BTNL9: variants seen among roughly 807,000 people sequenced by gnomAD.
The protein encoded by BTNL9 is butyrophilin-like protein 9.
A neutral mutation model predicts 45.8 loss-of-function variants in BTNL9; 45 were observed. The ratio of observed to expected loss-of-function variants is 0.98; its 90% CI spans 0.77 to 1.26. BTNL9 has a LOEUF of 1.26. Ranked by LOEUF, BTNL9 falls within the 50% of genes most tolerant of loss-of-function variation. The probability of loss-of-function intolerance (pLI) is 0.00; values close to 1 mark genes in which losing one functional copy is unlikely to be tolerated. For missense variants in BTNL9, 784 were observed against 729.7 expected, an observed-to-expected ratio of 1.07 and a Z score of -0.86; for synonymous variants, 346 against 330.8, an observed-to-expected ratio of 1.05 and a Z score of -0.50.
Position 181,059,377 on chromosome 5 carries a change from A to G in BTNL9, c.1123A>G (p.Ser375Gly). Residue 375 changes from serine to glycine, a missense_variant, in exon 11 of 11, where the codon AGC becomes GGC. By Grantham distance (56) the Ser-to-Gly change is moderately conservative (BLOSUM62 0). Transcript: ENST00000327705. Reference sequence around the variant, plus strand: ...GTTCTCGGAGCAGACGTGCGCGCTGAGCCTGGAGCGGTTCTCCGCCGGCCG... The same window carrying G: ...GTTCTCGGAGCAGACGTGCGCGCTGGGCCTGGAGCGGTTCTCCGCCGGCCG... The part of the protein sequence containing the change: ...QRFSEQTCAL[S>G]LERFSAGRHY... 4 of 1,531,076 alleles carry G rather than the reference A, an allele frequency of 2.6e-6. No individual in the cohort carries two copies. The highest frequency in any genetic ancestry group is 3.5e-6 in the Non-Finnish European group (4 of 1,141,802). 94.8% of individuals were successfully genotyped at this position (1,531,076 alleles called of 1,614,324 possible).
rs2113268653 is a variant in BTNL9 at position 181,059,489 on chromosome 5, G to T, written c.1235G>T (p.Arg412Leu). ...LAAVPRAGPA[R>L]LSPAAGYWVL... ...GCGGTGCCGCGCGCGGGGCCTGCGC[G>T]CCTGAGCCCTGCGGCCGGCTACTGG... The change falls in exon 11 of 11, where the codon CGC becomes CTC. Residue 412 changes from arginine (R) to leucine (L), a missense_variant. Coordinates refer to ENST00000327705, the MANE Select transcript of BTNL9 (RefSeq NM_152547.5). The T allele has an allele frequency of 1.3e-6, 2 of 1,539,462 alleles. No homozygotes were observed. The highest frequency in any genetic ancestry group is 5.0e-5 in the East Asian group (2 of 40,032).
chr5:181,047,845 T>C, intron 2 of BTNL9, 82 bp from the exon 3 acceptor site: 2 of 1,189,142 alleles, frequency 1.7e-6, no homozygotes, highest in Non-Finnish European at 1.2e-6. Context: ...TTACTGTAGA[T>C]TCCTCAGCTA....
intron 7 of BTNL9, chr5:181,054,658 C>T: frequency 1.0e-6 from 1 of 985,226 alleles, no homozygotes; most frequent in Non-Finnish European, 1.2e-6. Flanking sequence ...GACTCAGAGA[C>T]GTGAAACCAT....
intron 2 of BTNL9, among the ~76,000 whole-genome samples, chr5:181,047,104 G>A (rs1761223536): frequency 6.6e-6 from 1 of 152,136 alleles, no homozygotes; most frequent in African/African-American, 2.4e-5. Flanking sequence ...AGCTGAACTT[G>A]GAAAGAAAGG....
Position 181,053,452 on chromosome 5 carries a change from C to T in BTNL9, c.854-17C>T, listed in dbSNP as rs1212582789. The T allele has an allele frequency of 5.8e-6, 9 of 1,564,328 alleles. No homozygotes were observed. The East Asian group carries it at 1.9e-4, about 33-fold the overall frequency. ...GGGGGCGCGCACTCAGCCCTCTCCG[C>T]TCCCGTTTCCCTTCAGAAAAGCTGA... On this transcript the variant is annotated splice_polypyrimidine_tract_variant and intron_variant, in intron 5 of 10. Transcript: ENST00000327705. This position sits in a 1 kb window ranked among gnomAD's most constrained non-coding sequence, Gnocchi z 6.5.
intron 10 of BTNL9, 52 bp downstream of exon 10, chr5:181,058,430 C>G (rs372434075): frequency 4.3e-5 from 69 of 1,612,802 alleles, no homozygotes; most frequent in Non-Finnish European, 5.1e-5. Flanking sequence ...GGATCTTAAA[C>G]AGAAGGGAGG....
Position 181,059,568 on chromosome 5 carries a change from C to G in BTNL9, c.1314C>G (p.Val438=), listed in dbSNP as rs1036370599. 1 of 1,611,914 alleles carries G rather than the reference C, an allele frequency of 6.2e-7. No individual in the cohort carries two copies. The highest frequency in any genetic ancestry group is 1.1e-5 in the South Asian group (1 of 91,012). Residue 438 remains valine (V), a synonymous_variant, in exon 11 of 11, where the codon GTC becomes GTG. Coordinates refer to ENST00000327705, the MANE Select transcript of BTNL9 (RefSeq NM_152547.5). ...ACTTCGTCCTGGCCCCGCACCGCGT[C>G]GCGCTCACCCTGCGCGTGCCCCCGC... ...CEYFVLAPHR[V]ALTLRVPPRR...
At position 181,042,249 on chromosome 5, in the gene BTNL9, G is replaced by A. The variant is rs1018917243; in HGVS notation, c.-24+1817G>A. Among the ~76,000 whole-genome samples, 3 of 152,240 alleles carry A rather than the reference G, an allele frequency of 2.0e-5. No individual in the cohort carries two copies. Among genetic ancestry groups the A allele is most frequent in the Admixed American group, 1.3e-4 (2 of 15,280 alleles). On this transcript the variant is annotated intron_variant, in intron 1 of 10. Transcript: ENST00000327705. The surrounding 1 kb of genome is among the most constrained non-coding windows in gnomAD (Gnocchi z 4.5). Reference sequence around the variant, plus strand: ...AGGCTCCTGGGAGGACAAGCAGCACGTGCCCGCCGGCAGAGCTCAGCTCCA... The same window carrying A: ...AGGCTCCTGGGAGGACAAGCAGCACATGCCCGCCGGCAGAGCTCAGCTCCA...
In BTNL9 at chr5:181,055,287, G is replaced by A. The variant is rs1761818955; in HGVS notation, c.908-146G>A. 1 of 1,537,524 alleles carries A rather than the reference G, an allele frequency of 6.5e-7. No homozygotes were observed. ...GGCCTCTTTTTGAGGGCAATGAAGGGGCAAAGAGGAAGCTGTAAAAAAAAA... is the reference window on the plus strand; with the variant it reads ...GGCCTCTTTTTGAGGGCAATGAAGGAGCAAAGAGGAAGCTGTAAAAAAAAA... On this transcript the variant is annotated intron_variant, in intron 7 of 10. Transcript: ENST00000327705. This position sits in a 1 kb window ranked among gnomAD's most constrained non-coding sequence, Gnocchi z 4.4.
At chr5:181,040,666 C>T (rs940152734) in intron 1 of BTNL9, among the ~76,000 whole-genome samples, 1 of 152,166 alleles carries the variant, frequency 6.6e-6, no homozygotes, top group Admixed American at 6.5e-5. Flanking sequence ...CCCCACCAGA[C>T]GAAAAAGATT....
At position 181,055,361 on chromosome 5, in the gene BTNL9, C is replaced by G. The variant is rs1761822296; in HGVS notation, c.908-72C>G. The G allele has an allele frequency of 6.2e-7, 1 of 1,613,328 alleles. No individual in the cohort carries two copies. On this transcript the variant is annotated intron_variant, in intron 7 of 10. Coordinates refer to ENST00000327705, the MANE Select transcript of BTNL9 (RefSeq NM_152547.5). The surrounding 1 kb of genome is among the most constrained non-coding windows in gnomAD (Gnocchi z 4.4). ...GGCTTAAGACTAAGGAAGCTCTTCC[C>G]AGTGGCCTGTCTTGGGAAGATGGTT...
chr5:181,059,142 C>A, intron 10 of BTNL9, 95 bp from the exon 11 acceptor site: 1 of 1,404,838 alleles, frequency 7.1e-7, no homozygotes, highest in South Asian at 1.5e-5. Context: ...CTCGATTATT[C>A]CACCAAGAGA....
At position 181,059,751 on chromosome 5, in the gene BTNL9, C is replaced by G; in HGVS notation, c.1497C>G (p.Pro499=). Reference sequence around the variant, plus strand: ...ACGACGGCGGCGAACATCCGGATCCCCTGACCATCTGCCCGCTGCCGGTTA... The same window carrying G: ...ACGACGGCGGCGAACATCCGGATCCGCTGACCATCTGCCCGCTGCCGGTTA... ...RAHDGGEHPD[P]LTICPLPVRG... Residue 499 remains proline, a synonymous_variant, in exon 11 of 11, where the codon CCC becomes CCG. Transcript: ENST00000327705. 6.2e-7 allele frequency: 1 copy of G among 1,612,546 alleles called. No individual in the cohort carries two copies. Among genetic ancestry groups the G allele is most frequent in the Non-Finnish European group, 8.5e-7 (1 of 1,179,902 alleles).
At chr5:181,058,509 C>A in intron 10 of BTNL9, 131 bp downstream of exon 10, 2 of 1,216,846 alleles carry the variant, frequency 1.6e-6, no homozygotes, top group Non-Finnish European at 2.4e-6. Flanking sequence ...ACACAAGACA[C>A]ACACGCACAC....
Position 181,050,464 on chromosome 5 carries a change from C to A in BTNL9, c.736+95C>A. The stretch of plus-strand genomic sequence containing the variant: ...TCTATAAAGACACAATGGTACTGCG[C>A]CTGTCTGCATATAGGGTGTGTTGGC... On this transcript the variant is annotated intron_variant, in intron 4 of 10. Transcript: ENST00000327705. The surrounding 1 kb of genome is among the most constrained non-coding windows in gnomAD (Gnocchi z 4.9). The A allele has an allele frequency of 7.0e-7, 1 of 1,419,606 alleles. No homozygotes were observed. The highest frequency in any genetic ancestry group is 9.7e-7 in the Non-Finnish European group (1 of 1,030,480). The allele number at this position is 1,419,606 out of a possible 1,614,324, so 87.9% of individuals were successfully genotyped here. A position where few individuals can be genotyped will look rare whatever the true frequency, so the allele number is the denominator to read the frequency against.
chr5:181,043,183 C>CGT (rs34383941), intron 1 of BTNL9, among the ~76,000 whole-genome samples: 29 of 151,136 alleles, frequency 1.9e-4, no homozygotes, highest in African/African-American at 3.9e-4. Context: ...ACTGTCAGCA[C>CGT]GTGTGTGTGT....
At position 181,042,516 on chromosome 5, in the gene BTNL9, G is replaced by A. The variant is rs961120508; in HGVS notation, c.-24+2084G>A. Among the ~76,000 whole-genome samples, 4 of 152,122 alleles carry A rather than the reference G, an allele frequency of 2.6e-5. No homozygotes were observed. Among genetic ancestry groups the A allele is most frequent in the Non-Finnish European group, 2.9e-5 (2 of 68,022 alleles). ...TTAACTGAAGAGTGAGGTCAGAAAG[G>A]GCGGACGCACAGCAGCAAACGGGGA... On this transcript the variant is annotated intron_variant, in intron 1 of 10. Transcript: ENST00000327705. This position sits in a 1 kb window ranked among gnomAD's most constrained non-coding sequence, Gnocchi z 4.5.
In BTNL9 at chr5:181,053,942, G is replaced by T. The variant is rs751285734; in HGVS notation, c.887-297G>T. On this transcript the variant is annotated intron_variant, in intron 6 of 10. Coordinates refer to ENST00000327705, the MANE Select transcript of BTNL9 (RefSeq NM_152547.5). The surrounding 1 kb of genome is among the most constrained non-coding windows in gnomAD (Gnocchi z 6.5). ...CCCAGTTACGTGAGGCAGTGTCCGG[G>T]GCTTAACGTTTCCGCCGAGCTAATA... 1 of 1,520,952 alleles carries T rather than the reference G, an allele frequency of 6.6e-7. No individual in the cohort carries two copies. The highest frequency in any genetic ancestry group is 1.4e-5 in the African/African-American group (1 of 72,826). 94.2% of individuals were successfully genotyped at this position (1,520,952 alleles called of 1,614,324 possible).
intron 2 of BTNL9, 114 bp downstream of exon 2, chr5:181,045,712 A>C: frequency 2.5e-6 from 2 of 808,460 alleles, no homozygotes; most frequent in Admixed American, 2.1e-5. Flanking sequence ...CTAAAATACA[A>C]AAAAGACTTC....
Sources: gnomAD v4.1 joint callset for allele counts (sites outside exome capture counted in the v4.1 genomes callset) on GRCh38, gnomAD v4.1.1 for gene constraint, Gnocchi (gnomAD v3.1) non-coding constraint, MANE v1.5 for transcripts, NCBI Gene and HGNC (gene_info 2026-07-23, HGNC 2026-07-21) for gene names.